The following MEGF11 variants were observed in gnomAD, a reference collection of about 807,000 sequenced individuals.
The protein encoded by MEGF11 is multiple epidermal growth factor-like domains protein 11.
A neutral mutation model predicts 146.6 loss-of-function variants in MEGF11; 126 were observed. The observed-to-expected ratio is 0.86, with a 90% CI of 0.74 to 1.00. The LOEUF (loss-of-function observed/expected upper bound fraction) is 1.00, where lower values mean the gene tolerates loss of function less well. Among genes scored for constraint, MEGF11 ranks in the 50% least tolerant of loss-of-function variants. The pLI, the probability that MEGF11 is intolerant of heterozygous loss-of-function variation, is 0.00. For synonymous variants in MEGF11, 532 were observed against 583.4 expected (o/e 0.91, Z 1.27); for missense variants, 1,509 against 1,521.2 (o/e 0.99, Z 0.13).
At chr15:65,900,748 C>G (rs936413614) in intron 24 of MEGF11, among the ~76,000 whole-genome samples, 1 of 152,210 alleles carries the variant, frequency 6.6e-6, no homozygotes, top group Non-Finnish European at 1.5e-5. Flanking sequence ...TCAGCATTTT[C>G]CATCACAATT....
chr15:66,126,155 G>A (rs921676093), intron 2 of MEGF11, among the ~76,000 whole-genome samples: 8 of 152,182 alleles, frequency 5.3e-5, no homozygotes, highest in African/African-American at 7.2e-5. Context: ...ATGAGGAGCC[G>A]CCAGAAGCAC....
chr15:66,225,044 G>T (rs1369608832), intron 1 of MEGF11, among the ~76,000 whole-genome samples: 2 of 152,222 alleles, frequency 1.3e-5, no homozygotes, highest in Non-Finnish European at 2.9e-5. Flanking sequence ...TGTGTGGTCT[G>T]GCCATTCCCG....
chr15:66,100,137 A>G (rs1445312498), intron 4 of MEGF11, among the ~76,000 whole-genome samples: 1 of 152,174 alleles, frequency 6.6e-6, no homozygotes, highest in African/African-American at 2.4e-5. Flanking sequence ...CGCTCTGCCC[A>G]TTCATGCAGT....
At chr15:66,028,710 G>A (rs2083419608) in intron 5 of MEGF11, among the ~76,000 whole-genome samples, 1 of 152,164 alleles carries the variant, frequency 6.6e-6, no homozygotes, top group Admixed American at 6.5e-5. Context: ...CTATTATGTA[G>A]CCATTTAAAA....
At position 65,964,883 on chromosome 15, in the gene MEGF11, G is replaced by C. The variant is rs573277810; in HGVS notation, c.1112+25C>G. ...CCTGAGCACCCCCCGCCCTTGTCCC[G>C]GGCTCGCCCATTCCCAGCTCATACC... is the stretch of plus-strand genomic sequence containing the variant. On this transcript the variant is annotated intron_variant, in intron 9 of 25. Transcript: ENST00000395614. 5.5e-6 allele frequency: 8 copies of C among 1,466,696 alleles called. No homozygotes were observed. In the African/African-American group the frequency reaches 5.6e-5, roughly 10 times the overall value. 90.9% of individuals were successfully genotyped at this position (1,466,696 alleles called of 1,614,324 possible). A position where few individuals can be genotyped will look rare whatever the true frequency, so the allele number is the denominator to read the frequency against.
chr15:66,018,648 C>T lies in MEGF11; in HGVS notation c.395-36160G>A, dbSNP rs930013902. ...ATGTGTGAGTGTGTGCGAGCGGGTGCCTGCCTATGCGTGGGTGAGGGTGTC... is the reference window on the plus strand; with the variant it reads ...ATGTGTGAGTGTGTGCGAGCGGGTGTCTGCCTATGCGTGGGTGAGGGTGTC... On this transcript the variant is annotated intron_variant, in intron 5 of 25. Transcript: ENST00000395614. 8.0e-5 allele frequency among the ~76,000 whole-genome samples: 12 copies of T among 150,696 alleles called. No individual in the cohort carries two copies. In the Admixed American group the frequency reaches 8.0e-4, roughly 10 times the overall value.
intron 10 of MEGF11, among the ~76,000 whole-genome samples, chr15:65,943,074 C>A (rs796626586): frequency 2.0e-5 from 3 of 150,420 alleles, no homozygotes; most frequent in African/African-American, 7.3e-5. Flanking sequence ...GCAACCACCG[C>A]CCCCCGGGTT....
intron 4 of MEGF11, among the ~76,000 whole-genome samples, chr15:66,109,758 CT>C (rs2087290967): frequency 6.6e-6 from 1 of 152,208 alleles, no homozygotes; most frequent in Admixed American, 6.5e-5. Context: ...CTGAAGGGGT[CT>C]TTCTTGACCC....
intron 10 of MEGF11, among the ~76,000 whole-genome samples, chr15:65,932,469 C>T (rs1225923588): frequency 7.5e-6 from 1 of 133,218 alleles, no homozygotes; most frequent in African/African-American, 3.0e-5. Context: ...GGGCAAGTTA[C>T]AGGGTAGGAG....
chr15:65,969,096 C>A (rs2081215200), intron 8 of MEGF11, among the ~76,000 whole-genome samples: 1 of 152,172 alleles, frequency 6.6e-6, no homozygotes, highest in Non-Finnish European at 1.5e-5. Flanking sequence ...TGCCCAGGAT[C>A]ATGGACCAGG....
intron 3 of MEGF11, among the ~76,000 whole-genome samples, chr15:66,121,274 T>C (rs1419108082): frequency 2.0e-5 from 3 of 152,174 alleles, no homozygotes; most frequent in African/African-American, 7.2e-5. Context: ...AGCACTACTA[T>C]TTCTGCCTCT....
chr15:65,917,662 T>C (rs1006984957), intron 16 of MEGF11, among the ~76,000 whole-genome samples: 2 of 152,152 alleles, frequency 1.3e-5, no homozygotes, highest in African/African-American at 4.8e-5. Context: ...TTGCACCACC[T>C]CTTCCCCATC....
chr15:65,960,495 T>C (rs186408001), intron 9 of MEGF11, among the ~76,000 whole-genome samples: 2 of 152,360 alleles, frequency 1.3e-5, no homozygotes, highest in Non-Finnish European at 2.9e-5. Context: ...TTTGGAGCAC[T>C]CTTCTCTTTA....
chr15:66,075,963 C>T (rs1222059444), intron 5 of MEGF11, among the ~76,000 whole-genome samples: 2 of 152,022 alleles, frequency 1.3e-5, no homozygotes, highest in African/African-American at 4.8e-5. Flanking sequence ...AGGGCAGGGA[C>T]AAGGGAAGGA....
At chr15:66,161,673 T>C (rs1022357669) in intron 1 of MEGF11, among the ~76,000 whole-genome samples, 2 of 152,210 alleles carry the variant, frequency 1.3e-5, no homozygotes, top group African/African-American at 2.4e-5. Context: ...GGGATTACAG[T>C]CATGAGCCAC....
intron 12 of MEGF11, 71 bp from the exon 13 acceptor site, chr15:65,928,598 TTTTC>T: frequency 1.9e-6 from 2 of 1,053,088 alleles, no homozygotes; most frequent in Non-Finnish European, 2.7e-6. Flanking sequence ...TCTATGGATC[TTTTC>T]TTTAATTTTT....
chr15:65,993,812 C>T (rs527595210), intron 5 of MEGF11, among the ~76,000 whole-genome samples: 10 of 152,326 alleles, frequency 6.6e-5, no homozygotes, highest in African/African-American at 1.4e-4. Flanking sequence ...CAGACATGAC[C>T]ATTTCCCCAT....
intron 9 of MEGF11, 39 bp downstream of exon 9, chr15:65,964,869 C>T (rs1461833729): frequency 6.7e-7 from 1 of 1,501,606 alleles, no homozygotes; most frequent in Admixed American, 2.1e-5. Flanking sequence ...CTGAGCACCC[C>T]CCGCCCTTGT....
chr15:66,166,272 C>G (rs1352630927), intron 1 of MEGF11, among the ~76,000 whole-genome samples: 1 of 152,114 alleles, frequency 6.6e-6, no homozygotes. Flanking sequence ...CACACTGATT[C>G]CTCTCTCTTT....
Sources: allele counts gnomAD v4.1 joint callset (sites outside exome capture counted in the v4.1 genomes callset), GRCh38; gene constraint gnomAD v4.1.1; transcripts MANE v1.5; gene names NCBI Gene and HGNC (gene_info 2026-07-23, HGNC 2026-07-21).